Variants in DIP2B observed in about 807,000 individuals in gnomAD.
DIP2B encodes disco-interacting protein 2 homolog B.
Under a neutral mutation model 198.0 loss-of-function variants are expected in DIP2B, and 76 were observed. That is an observed-to-expected ratio of 0.38 (90% CI 0.32 to 0.46). The LOEUF is 0.46. Ranked by LOEUF, DIP2B falls within the 20% of genes least tolerant of loss-of-function variation. The pLI is 0.99. For missense variants in DIP2B, 1,559 were observed against 1,978.4 expected, an observed-to-expected ratio of 0.79 and a Z score of 4.02; for synonymous variants, 701 against 739.1, an observed-to-expected ratio of 0.95 and a Z score of 0.84.
intron 23 of DIP2B, among the ~76,000 whole-genome samples, chr12:50,718,058 C>A (rs567672124): frequency 6.6e-6 from 1 of 151,870 alleles, no homozygotes; most frequent in African/African-American, 2.4e-5. Context: ...TACCACCACG[C>A]CCAGCTCATT....
chr12:50,536,269 G>GTGCA (rs1400113951), intron 1 of DIP2B, among the ~76,000 whole-genome samples: 4 of 56,322 alleles, frequency 7.1e-5, no homozygotes, highest in African/African-American at 1.2e-4. Context: ...TACTAAATAC[G>GTGCA]TGCATACATA....
At chr12:50,552,983 G>C (rs1958440046) in intron 1 of DIP2B, among the ~76,000 whole-genome samples, 1 of 151,810 alleles carries the variant, frequency 6.6e-6, no homozygotes, top group Non-Finnish European at 1.5e-5. Flanking sequence ...CTACAGGTGT[G>C]CGCCACCATG....
At chr12:50,581,114 A>G (rs1040325002) in intron 1 of DIP2B, among the ~76,000 whole-genome samples, 1 of 149,402 alleles carries the variant, frequency 6.7e-6, no homozygotes, top group Non-Finnish European at 1.5e-5. Flanking sequence ...TCTGACTTAC[A>G]TTTGTGCTAT....
chr12:50,621,077 A>G (rs1049592818), intron 1 of DIP2B, among the ~76,000 whole-genome samples: 2 of 152,258 alleles, frequency 1.3e-5, no homozygotes, highest in Admixed American at 1.3e-4. Context: ...AATCTTAAAA[A>G]TTGGACAAGG....
At chr12:50,685,426 G>A (rs1939115746) in intron 10 of DIP2B, among the ~76,000 whole-genome samples, 1 of 152,158 alleles carries the variant, frequency 6.6e-6, no homozygotes, top group African/African-American at 2.4e-5. Context: ...TGGACATTTA[G>A]TATCCATTTA....
In DIP2B at chr12:50,580,720, T is replaced by C. The variant is rs1958718019; in HGVS notation, c.101-45256T>C. ...GTACATTTGGCAAGGTCTAGAGACATTTTTGGTTGTCAGAGCTCTGGGTTG... is the reference window on the plus strand; with the variant it reads ...GTACATTTGGCAAGGTCTAGAGACACTTTTGGTTGTCAGAGCTCTGGGTTG... On this transcript the variant is annotated intron_variant, in intron 1 of 37. Transcript: ENST00000301180. Among the ~76,000 whole-genome samples the C allele has an allele frequency of 1.3e-5, 2 of 148,260 alleles. 1 individual carries two copies. The highest frequency in any genetic ancestry group is 4.5e-4 in the South Asian group (2 of 4,476).
In DIP2B at chr12:50,691,114, C is replaced by G; in HGVS notation, c.1617C>G (p.His539Gln). Residue 539 changes from histidine (H) to glutamine (Q), a missense_variant, in exon 13 of 38, where the codon CAC becomes CAG. Transcript: ENST00000301180. Reference protein sequence around the residue: ...VTVSRLAMLSHCQALSQACNY... With the variant: ...VTVSRLAMLSQCQALSQACNY... ...TATCCCGGCTTGCAATGTTGTCTCA[C>G]TGCCAAGCTCTGTCGCAGGCCTGCA... 1 of 1,614,116 alleles carries G rather than the reference C, an allele frequency of 6.2e-7. No individual in the cohort carries two copies. Among genetic ancestry groups the G allele is most frequent in the Non-Finnish European group, 8.5e-7 (1 of 1,180,012 alleles).
At chr12:50,688,285 G>A (rs1939165347) in intron 12 of DIP2B, among the ~76,000 whole-genome samples, 1 of 152,116 alleles carries the variant, frequency 6.6e-6, no homozygotes, top group African/African-American at 2.4e-5. Context: ...GTAGCTCTGA[G>A]AGGTGATGGG....
At chr12:50,522,538 G>C (rs115587692) in intron 1 of DIP2B, among the ~76,000 whole-genome samples, 1 of 152,100 alleles carries the variant, frequency 6.6e-6, no homozygotes, top group East Asian at 1.9e-4. Flanking sequence ...TTGGGGTATG[G>C]GGGAAACTAG....
intron 1 of DIP2B, among the ~76,000 whole-genome samples, chr12:50,550,205 T>A (rs1236212609): frequency 6.6e-6 from 1 of 152,194 alleles, no homozygotes; most frequent in Non-Finnish European, 1.5e-5. Flanking sequence ...TTTTTAAAAT[T>A]TCCATGTGAT....
At chr12:50,570,365 G>A (rs939546635) in intron 1 of DIP2B, among the ~76,000 whole-genome samples, 7 of 152,148 alleles carry the variant, frequency 4.6e-5, no homozygotes, top group African/African-American at 1.7e-4. Flanking sequence ...CCTACTAAGT[G>A]CGAACATTGT....
chr12:50,581,112 AC>A (rs1225994091), intron 1 of DIP2B, among the ~76,000 whole-genome samples: 1 of 149,432 alleles, frequency 6.7e-6, no homozygotes, highest in African/African-American at 2.4e-5. Flanking sequence ...ATTCTGACTT[AC>A]ATTTGTGCTA....
intron 1 of DIP2B, among the ~76,000 whole-genome samples, chr12:50,516,786 C>A (rs560707503): frequency 6.6e-6 from 1 of 151,976 alleles, no homozygotes; most frequent in Admixed American, 6.6e-5. Context: ...ACCAGCCTGG[C>A]CAACATGGCG....
intron 10 of DIP2B, among the ~76,000 whole-genome samples, chr12:50,685,083 C>T (rs971707322): frequency 6.6e-5 from 10 of 152,066 alleles, no homozygotes; most frequent in Non-Finnish European, 1.5e-4. Flanking sequence ...CAGAGAGAGG[C>T]TCCATCTCAT....
chr12:50,588,209 TG>T (rs1381694714), intron 1 of DIP2B, among the ~76,000 whole-genome samples: 1 of 152,022 alleles, frequency 6.6e-6, no homozygotes, highest in Non-Finnish European at 1.5e-5. Flanking sequence ...TGGAGTGCAG[TG>T]GTGCGATCTT....
At chr12:50,723,719 T>C (rs2139589342) in intron 27 of DIP2B, among the ~76,000 whole-genome samples, 1 of 151,974 alleles carries the variant, frequency 6.6e-6, no homozygotes, top group South Asian at 2.1e-4. Flanking sequence ...GCCACTGCAC[T>C]CCAGCCTGAG....
At chr12:50,570,939 G>A (rs1324653439) in intron 1 of DIP2B, among the ~76,000 whole-genome samples, 1 of 152,032 alleles carries the variant, frequency 6.6e-6, no homozygotes, top group Non-Finnish European at 1.5e-5. Flanking sequence ...TGTTTATTTA[G>A]CAGATATTAA....
chr12:50,726,608 T>C (rs1320665117), intron 28 of DIP2B, among the ~76,000 whole-genome samples: 1 of 151,788 alleles, frequency 6.6e-6, no homozygotes, highest in Non-Finnish European at 1.5e-5. Context: ...GCCTCGGCCT[T>C]CCAGAGTGCT....
chr12:50,710,390 G>C (rs1428280602), intron 22 of DIP2B, among the ~76,000 whole-genome samples: 2 of 151,902 alleles, frequency 1.3e-5, no homozygotes, highest in Non-Finnish European at 2.9e-5. Flanking sequence ...AACAATGCAA[G>C]CATGAGATGG....
Sources: gnomAD v4.1 joint callset for allele counts (sites outside exome capture counted in the v4.1 genomes callset) on GRCh38, gnomAD v4.1.1 for gene constraint, MANE v1.5 for transcripts, NCBI Gene and HGNC (gene_info 2026-07-23, HGNC 2026-07-21) for gene names.